The following DHX35 variants were observed in gnomAD, a reference collection of about 807,000 sequenced individuals.
DHX35 encodes the protein probable ATP-dependent RNA helicase DHX35.
In DHX35, 84 loss-of-function variants were observed where a neutral mutation model predicts 99.6. The ratio of observed to expected loss-of-function variants is 0.84; its 90% CI spans 0.71 to 1.01. The LOEUF (loss-of-function observed/expected upper bound fraction) is 1.01, where lower values mean the gene tolerates loss of function less well. Ranked by LOEUF, DHX35 falls within the 50% of genes least tolerant of loss-of-function variation. The pLI, the probability that DHX35 is intolerant of heterozygous loss-of-function variation, is 0.00. For synonymous variants in DHX35, 331 were observed against 316.2 expected (o/e 1.05, Z -0.50); for missense variants, 852 against 888.5 (o/e 0.96, Z 0.52).
intron 12 of DHX35, 97 bp from the exon 13 acceptor site, chr20:39,010,183 C>T (rs558768198): frequency 3.6e-4 from 550 of 1,547,712 alleles, no homozygotes; most frequent in Non-Finnish European, 4.5e-4. Flanking sequence ...TCCTAGAGAC[C>T]CTTGTTCAAG....
At chr20:38,967,547 A>C (rs2085928106) in intron 1 of DHX35, among the ~76,000 whole-genome samples, 1 of 152,210 alleles carries the variant, frequency 6.6e-6, no homozygotes. Flanking sequence ...TACAGCAGCA[A>C]ATCAGCATGA....
At chr20:39,031,896 G>A (rs1358066580) in intron 20 of DHX35, among the ~76,000 whole-genome samples, 1 of 152,208 alleles carries the variant, frequency 6.6e-6, no homozygotes, top group Non-Finnish European at 1.5e-5. Flanking sequence ...CGTTTGGGAA[G>A]TGGGGAATCA....
intron 19 of DHX35, among the ~76,000 whole-genome samples, chr20:39,028,837 A>G (rs764548274): frequency 1.2e-4 from 19 of 152,302 alleles, no homozygotes; most frequent in Non-Finnish European, 2.4e-4. Context: ...TTATTTTACA[A>G]TTGGCTAGTT....
intron 1 of DHX35, among the ~76,000 whole-genome samples, chr20:38,966,748 G>A (rs1429261893): frequency 6.6e-6 from 1 of 152,188 alleles, no homozygotes; most frequent in Non-Finnish European, 1.5e-5. Context: ...CAAAAGACAT[G>A]TTAAAATATT....
At chr20:39,003,656 T>C in intron 10 of DHX35, 93 bp from the exon 11 acceptor site, 1 of 1,465,250 alleles carries the variant, frequency 6.8e-7, no homozygotes, top group Non-Finnish European at 9.3e-7. Context: ...AAAATTAAAG[T>C]CCAGATCCCA....
chr20:39,030,890 T>TGAGCCACCACGCCC, intron 20 of DHX35, 115 bp downstream of exon 20: 2 of 1,201,128 alleles, frequency 1.7e-6, no homozygotes, highest in Non-Finnish European at 2.4e-6. Context: ...GGGCCGGGCG[T>TGAGCCACCACGCCC]GGTGGCTCAC....
intron 4 of DHX35, 75 bp downstream of exon 4, chr20:38,983,851 C>G: frequency 7.6e-7 from 1 of 1,323,018 alleles, no homozygotes; most frequent in Non-Finnish European, 1.1e-6. Flanking sequence ...TTCCTAAAGG[C>G]TTTAAATGAA....
chr20:38,983,667 A>G (rs1430302439), intron 3 of DHX35, 32 bp from the exon 4 acceptor site: 1 of 1,595,236 alleles, frequency 6.3e-7, no homozygotes, highest in Non-Finnish European at 8.6e-7. Flanking sequence ...AAGTGGTATC[A>G]TATGTATACT....
Position 38,994,834 on chromosome 20 carries a change from G to A in DHX35, c.596G>A (p.Arg199Gln), listed in dbSNP as rs141892703. Residue 199 changes from arginine to glutamine, a missense_variant, in exon 8 of 22, where the codon CGA becomes CAA. Arg to Gln is a conservative substitution (Grantham distance 43). Coordinates refer to ENST00000252011, the MANE Select transcript of DHX35 (RefSeq NM_021931.4). ...IGLLKKIQKK[R>Q]GDLRLIVASA... ...CTTCTTTTTTAGATTCAGAAAAAGC[G>A]AGGGGATCTTCGATTGATTGTAGCT... 6.8e-6 allele frequency: 11 copies of A among 1,613,344 alleles called. No homozygotes were observed. Among genetic ancestry groups the A allele is most frequent in the African/African-American group, 2.7e-5 (2 of 74,884 alleles).
Position 39,038,934 on chromosome 20 carries a change from CT to C in DHX35, c.*394del. On this transcript the variant is annotated 3_prime_UTR_variant, in exon 22 of 22. Coordinates refer to ENST00000252011, the MANE Select transcript of DHX35 (RefSeq NM_021931.4). ...GTGGACAGAGGGTTTGCTGGGCTGG[CT>C]TTGCTTTCCCTGCTGGGGCCACAGC... 3.9e-6 allele frequency: 1 copy of C among 256,872 alleles called. No individual in the cohort carries two copies. Among genetic ancestry groups the C allele is most frequent in the Non-Finnish European group, 7.5e-6 (1 of 133,190 alleles). The allele number at this position is 256,872 out of a possible 1,614,324, so 15.9% of individuals were successfully genotyped here.
chr20:39,001,313 A>G (rs2086516244), intron 8 of DHX35, among the ~76,000 whole-genome samples: 1 of 152,206 alleles, frequency 6.6e-6, no homozygotes, highest in African/African-American at 2.4e-5. Flanking sequence ...TCAAATGATC[A>G]TATCTGTGTT....
chr20:39,005,203 A>G (rs190954275), intron 11 of DHX35, among the ~76,000 whole-genome samples: 3 of 152,340 alleles, frequency 2.0e-5, no homozygotes, highest in East Asian at 3.8e-4. Context: ...TCTAACTGCT[A>G]TATATATGTG....
chr20:39,034,061 A>G, intron 20 of DHX35, 145 bp from the exon 21 acceptor site: 1 of 633,346 alleles, frequency 1.6e-6, no homozygotes, highest in South Asian at 1.9e-5. Context: ...GGCTGTGGTG[A>G]GCAACATAAA....
At chr20:38,989,540 A>G (rs144000591) in intron 5 of DHX35, among the ~76,000 whole-genome samples, 1 of 152,084 alleles carries the variant, frequency 6.6e-6, no homozygotes, top group East Asian at 1.9e-4. Context: ...GCCTGATATT[A>G]TATGCCAATC....
chr20:38,997,046 T>TTATATTTATTTATTTA, intron 8 of DHX35, among the ~76,000 whole-genome samples: 1 of 149,012 alleles, frequency 6.7e-6, no homozygotes, highest in African/African-American at 2.5e-5. Context: ...CTTAGATTCA[T>TTATATTTATTTATTTA]TTTATTTATT....
intron 21 of DHX35, among the ~76,000 whole-genome samples, chr20:39,036,903 A>G (rs1464127584): frequency 6.6e-6 from 1 of 152,152 alleles, no homozygotes; most frequent in East Asian, 1.9e-4. Flanking sequence ...CCAGATCTAC[A>G]GGGGTTGCCC....
At chr20:39,038,358 G>A (rs2145958168) in intron 21 of DHX35, 141 bp from the exon 22 acceptor site, 3 of 963,104 alleles carry the variant, frequency 3.1e-6, no homozygotes, top group Non-Finnish European at 3.1e-6. Flanking sequence ...CTTCCAGGCT[G>A]TTTCATGAAC....
intron 2 of DHX35, among the ~76,000 whole-genome samples, chr20:38,971,998 TGTTTTG>T (rs2086005490): frequency 5.1e-5 from 7 of 136,022 alleles, no homozygotes; most frequent in Non-Finnish European, 7.9e-5. Context: ...TTTTTTGTTT[TGTTTTG>T]TTTTTTTTTT....
At chr20:39,001,896 TG>T in intron 9 of DHX35, 54 bp downstream of exon 9, 1 of 1,357,442 alleles carries the variant, frequency 7.4e-7, no homozygotes, top group Non-Finnish European at 1.0e-6. Context: ...CAGCCTCTGA[TG>T]TAGAATGTCA....
Sources: allele counts gnomAD v4.1 joint callset (sites outside exome capture counted in the v4.1 genomes callset), GRCh38; gene constraint gnomAD v4.1.1; transcripts MANE v1.5; gene names NCBI Gene and HGNC (gene_info 2026-07-23, HGNC 2026-07-21).